The following TRIO variants were observed in gnomAD, a reference collection of about 807,000 sequenced individuals.
TRIO encodes triple functional domain protein.
A neutral mutation model predicts 351.9 loss-of-function variants in TRIO; 58 were observed. The ratio of observed to expected loss-of-function variants is 0.16; its 90% CI spans 0.13 to 0.21. TRIO has a LOEUF of 0.21. Among genes scored for constraint, TRIO ranks in the 10% least tolerant of loss-of-function variants. TRIO has a pLI of 1.00. For missense variants in TRIO, 3,201 were observed against 4,027.8 expected (o/e 0.79, Z 5.56); for synonymous variants, 1,758 against 1,595.7 (o/e 1.10, Z -2.42).
intron 24 of TRIO, among the ~76,000 whole-genome samples, 194 bp from the exon 25 acceptor site, chr5:14,389,095 A>G (rs1229100282): frequency 6.6e-6 from 1 of 152,230 alleles, no homozygotes; most frequent in Non-Finnish European, 1.5e-5. Context: ...TGAAAAGTAT[A>G]GGAACTCCTC....
chr5:14,394,207 A>G (rs1162497941), intron 28 of TRIO, 77 bp downstream of exon 28: 8 of 938,350 alleles, frequency 8.5e-6, no homozygotes, highest in East Asian at 2.7e-5. Context: ...TATTTATATA[A>G]TTACCCTGAA....
rs1348942786 is a variant in TRIO at position 14,482,634 on chromosome 5, C to T, written c.6518C>T (p.Thr2173Ile). ...CTCTTGCAGGACACATTCTTGGTCA[C>T]AGACCAAGATGCAGGACTTCTGCCT... ...KLLLQDTFLV[T>I]DQDAGLLPRC... is the part of the protein sequence containing the mutation. The change falls in exon 46 of 57, where the codon ACA becomes ATA. Residue 2173 changes from threonine to isoleucine, a missense_variant. Thr to Ile is a moderately conservative substitution (Grantham distance 89). Coordinates refer to ENST00000344204, the MANE Select transcript of TRIO (RefSeq NM_007118.4). The T allele has an allele frequency of 6.3e-7, 1 of 1,591,110 alleles. No homozygotes were observed. Among genetic ancestry groups the T allele is most frequent in the South Asian group, 1.1e-5 (1 of 88,440 alleles).
intron 1 of TRIO, among the ~76,000 whole-genome samples, chr5:14,257,992 C>G (rs540276799): frequency 6.6e-6 from 1 of 152,336 alleles, no homozygotes; most frequent in East Asian, 1.9e-4. Context: ...GTCCATTTCA[C>G]AGACGAGGAA....
intron 34 of TRIO, among the ~76,000 whole-genome samples, chr5:14,437,102 GT>G (rs1391304253): frequency 6.6e-6 from 1 of 152,116 alleles, no homozygotes; most frequent in Non-Finnish European, 1.5e-5. Flanking sequence ...TTCTTTGATA[GT>G]AAGACACTTG....
Position 14,488,090 on chromosome 5 carries a change from TCCATCCCCG to T in TRIO, c.7465_7473del (p.Ile2489_Ala2491del), listed in dbSNP as rs764130379. 1 of 1,603,708 alleles carries T rather than the reference TCCATCCCCG, an allele frequency of 6.2e-7. No individual in the cohort carries two copies. Among genetic ancestry groups the T allele is most frequent in the Admixed American group, 1.7e-5 (1 of 59,524 alleles). ...GCAGAAGGGGGGCTCCTTCTGGAGCTCCATCCCCGCCTCCCCCGCCAGCCGACCCGGCTC... is the reference window on the plus strand; with the variant it reads ...GCAGAAGGGGGGCTCCTTCTGGAGCTCCTCCCCCGCCAGCCGACCCGGCTC... On this transcript the variant is annotated inframe_deletion, in exon 48 of 57. Transcript: ENST00000344204.
chr5:14,382,480 C>T (rs1342451270), intron 21 of TRIO, among the ~76,000 whole-genome samples: 4 of 152,112 alleles, frequency 2.6e-5, no homozygotes, highest in Admixed American at 2.0e-4. Context: ...GCAGAGAGAC[C>T]AGGCATGGGG....
intron 1 of TRIO, among the ~76,000 whole-genome samples, chr5:14,153,142 A>C (rs529483477): frequency 6.6e-6 from 1 of 152,220 alleles, no homozygotes; most frequent in Non-Finnish European, 1.5e-5. Flanking sequence ...GTGGAATCAC[A>C]CAGATTTTCG....
intron 11 of TRIO, among the ~76,000 whole-genome samples, chr5:14,347,480 C>T (rs1333484920): frequency 6.6e-6 from 1 of 152,270 alleles, no homozygotes; most frequent in Non-Finnish European, 1.5e-5. Context: ...TTTTAACTGA[C>T]TCCACGTAAC....
At chr5:14,270,526 C>A (rs952843742) in intron 1 of TRIO, among the ~76,000 whole-genome samples, 1 of 152,156 alleles carries the variant, frequency 6.6e-6, no homozygotes, top group Non-Finnish European at 1.5e-5. Flanking sequence ...GGTAAATAAT[C>A]TGGACTGATT....
At chr5:14,350,731 T>A (rs1343242720) in intron 11 of TRIO, among the ~76,000 whole-genome samples, 1 of 152,182 alleles carries the variant, frequency 6.6e-6, no homozygotes, top group Non-Finnish European at 1.5e-5. Flanking sequence ...TACTTCATGA[T>A]GCTAACTTTG....
chr5:14,346,563 CAG>C (rs1426364800), intron 11 of TRIO, among the ~76,000 whole-genome samples: 4 of 152,214 alleles, frequency 2.6e-5, no homozygotes, highest in African/African-American at 9.6e-5. Context: ...ACGCATTACT[CAG>C]AGTGAGGTTA....
intron 32 of TRIO, 133 bp downstream of exon 32, chr5:14,406,123 A>G: frequency 8.6e-6 from 11 of 1,285,988 alleles, no homozygotes; most frequent in Non-Finnish European, 1.2e-5. Flanking sequence ...CCATTTGTGG[A>G]TAACATCATT....
chr5:14,152,470 A>G (rs1387403391), intron 1 of TRIO, among the ~76,000 whole-genome samples: 1 of 152,206 alleles, frequency 6.6e-6, no homozygotes, highest in Non-Finnish European at 1.5e-5. Context: ...TCCCGGGTTC[A>G]AGCAGTTCTC....
chr5:14,244,833 C>T (rs143848583), intron 1 of TRIO, among the ~76,000 whole-genome samples: 1 of 152,252 alleles, frequency 6.6e-6, no homozygotes, highest in Non-Finnish European at 1.5e-5. Flanking sequence ...TACAGGGAGG[C>T]TGCAGTTGCT....
chr5:14,493,274 G>T (rs1756627161), intron 49 of TRIO, among the ~76,000 whole-genome samples: 1 of 150,248 alleles, frequency 6.7e-6, no homozygotes, highest in South Asian at 2.1e-4. Context: ...AGGTTGTTTT[G>T]TGCTTTGCTT....
chr5:14,472,647 T>C lies in TRIO; in HGVS notation c.5968T>C (p.Tyr1990His). Residue 1990 changes from tyrosine (Y) to histidine (H), a missense_variant, in exon 39 of 57, where the codon TAT (tyrosine) becomes CAT (histidine). Coordinates refer to ENST00000344204, the MANE Select transcript of TRIO (RefSeq NM_007118.4). ...TERDYVRDLG[Y>H]VVEGYMALMK... is the part of the protein sequence containing the mutation. ...GCGTGACTATGTGCGGGACCTTGGC[T>C]ATGTGGTTGAGGTGTGTATTGCCAG... The C allele has an allele frequency of 1.9e-6, 3 of 1,614,028 alleles. No homozygotes were observed. Among genetic ancestry groups the C allele is most frequent in the Non-Finnish European group, 2.5e-6 (3 of 1,179,922 alleles).
chr5:14,295,149 C>T (rs1389578765), intron 6 of TRIO, among the ~76,000 whole-genome samples: 1 of 152,058 alleles, frequency 6.6e-6, no homozygotes, highest in Non-Finnish European at 1.5e-5. Flanking sequence ...ACCTTCAGCC[C>T]CTTCTGCTCG....
intron 10 of TRIO, among the ~76,000 whole-genome samples, chr5:14,336,176 C>G (rs929756083): frequency 6.6e-6 from 1 of 152,088 alleles, no homozygotes; most frequent in Admixed American, 6.5e-5. Flanking sequence ...GGTGATAAAA[C>G]TGGAAGAAAA....
At chr5:14,410,318 A>G (rs1161389890) in intron 33 of TRIO, among the ~76,000 whole-genome samples, 2 of 152,064 alleles carry the variant, frequency 1.3e-5, no homozygotes, top group African/African-American at 4.8e-5. Flanking sequence ...TCTCTTAGCC[A>G]TCTCCCTCCT....
Sources: allele counts gnomAD v4.1 joint callset (sites outside exome capture counted in the v4.1 genomes callset), GRCh38; gene constraint gnomAD v4.1.1; transcripts MANE v1.5; gene names NCBI Gene and HGNC (gene_info 2026-07-23, HGNC 2026-07-21).